ASCC1: variants seen among roughly 807,000 people sequenced by gnomAD.
ASCC1 encodes the protein activating signal cointegrator 1 complex subunit 1.
A neutral mutation model predicts 46.6 loss-of-function variants in ASCC1; 35 were observed. The observed-to-expected ratio is 0.75, with a 90% CI of 0.57 to 0.99. The LOEUF is 0.99. ASCC1 is among the 50% of genes least tolerant of loss of function. The pLI, the probability that ASCC1 is intolerant of heterozygous loss-of-function variation, is 0.00. For missense variants in ASCC1, 376 were observed against 428.7 expected (o/e 0.88, Z 1.09); for synonymous variants, 143 against 146.6 (o/e 0.98, Z 0.18).
At chr10:72,143,582 TAC>T (rs1847284634) in intron 7 of ASCC1, among the ~76,000 whole-genome samples, 1 of 149,208 alleles carries the variant, frequency 6.7e-6, no homozygotes, top group Admixed American at 6.8e-5. Context: ...ATATGCAAGA[TAC>T]CAACTCATTA....
chr10:72,146,987 T>C (rs1341087379), intron 7 of ASCC1, among the ~76,000 whole-genome samples: 1 of 151,688 alleles, frequency 6.6e-6, no homozygotes, highest in Non-Finnish European at 1.5e-5. Flanking sequence ...CTAGCTTCTG[T>C]ATCAATTTGC....
chr10:72,182,120 G>T (rs915735967), intron 5 of ASCC1, among the ~76,000 whole-genome samples: 4 of 152,198 alleles, frequency 2.6e-5, no homozygotes, highest in Non-Finnish European at 5.9e-5. Flanking sequence ...AGACTAGGAA[G>T]TTCTAGGCCC....
chr10:72,159,952 T>C (rs1420031954), intron 6 of ASCC1, among the ~76,000 whole-genome samples: 1 of 150,152 alleles, frequency 6.7e-6, no homozygotes, highest in Non-Finnish European at 1.5e-5. Context: ...TCGCCCAGGC[T>C]GGAGTGCAGT....
chr10:72,216,959 C>T (rs75786221), upstream of ASCC1: 2 of 455,956 alleles, frequency 4.4e-6, no homozygotes, highest in South Asian at 3.1e-5. Flanking sequence ...AGAAAAAAAT[C>T]CATAATGATC....
chr10:72,176,596 C>T (rs528242555), intron 5 of ASCC1, among the ~76,000 whole-genome samples: 10 of 152,084 alleles, frequency 6.6e-5, no homozygotes, highest in Non-Finnish European at 1.5e-4. Flanking sequence ...CCTCCCACCT[C>T]AGCCTCCCAA....
intron 5 of ASCC1, among the ~76,000 whole-genome samples, chr10:72,184,059 G>A (rs902293174): frequency 2.3e-4 from 35 of 151,926 alleles, no homozygotes; most frequent in Non-Finnish European, 3.8e-4. Flanking sequence ...CAGGAGAATC[G>A]CTTGAACCGG....
Position 72,213,168 on chromosome 10 carries a change from A to C in ASCC1, c.112+19T>G. 6.4e-7 allele frequency: 1 copy of C among 1,552,034 alleles called. No individual in the cohort carries two copies. The highest frequency in any genetic ancestry group is 8.9e-7 in the Non-Finnish European group (1 of 1,124,266). ...AGGACATTTTACTTCTTATCTGACC[A>C]AAGAGCAACTAGGATTACCTTGATA... On this transcript the variant is annotated intron_variant, in intron 2 of 9. Coordinates refer to ENST00000672957, the MANE Select transcript of ASCC1 (RefSeq NM_001198800.3).
At chr10:72,133,269 G>T in intron 7 of ASCC1, 88 bp from the exon 8 acceptor site, 1 of 1,362,530 alleles carries the variant, frequency 7.3e-7, no homozygotes, top group Non-Finnish European at 1.0e-6. Flanking sequence ...TGGAGCATGT[G>T]CTCTGTGCTA....
intron 5 of ASCC1, among the ~76,000 whole-genome samples, chr10:72,171,856 T>C (rs1381976357): frequency 6.6e-6 from 1 of 152,222 alleles, no homozygotes; most frequent in African/African-American, 2.4e-5. Context: ...GCCTGTCACA[T>C]GCCCCCTTCC....
intron 3 of ASCC1, among the ~76,000 whole-genome samples, chr10:72,205,076 C>T (rs542576489): frequency 7.2e-5 from 11 of 152,190 alleles, no homozygotes; most frequent in South Asian, 2.1e-4. Flanking sequence ...GAGAGGCTGA[C>T]GCAGAAGGAT....
intron 7 of ASCC1, among the ~76,000 whole-genome samples, chr10:72,151,404 T>C (rs926338878): frequency 1.4e-4 from 21 of 148,182 alleles, no homozygotes; most frequent in Non-Finnish European, 2.8e-4. Flanking sequence ...ATGAGAACAC[T>C]TGGACACAGG....
intron 4 of ASCC1, among the ~76,000 whole-genome samples, chr10:72,203,052 C>T (rs567512509): frequency 8.9e-4 from 136 of 152,104 alleles, no homozygotes; most frequent in Non-Finnish European, 1.0e-3. Context: ...TTTGGGAGGC[C>T]GAGAGGGGAG....
chr10:72,189,930 G>T, intron 5 of ASCC1: 2 of 717,346 alleles, frequency 2.8e-6, no homozygotes, highest in Non-Finnish European at 5.1e-6. Context: ...GCAGCCATCA[G>T]GTAAGCCAAG....
At chr10:72,211,889 AAAC>A (rs1409627233) in intron 2 of ASCC1, among the ~76,000 whole-genome samples, 3 of 152,202 alleles carry the variant, frequency 2.0e-5, no homozygotes, top group African/African-American at 4.8e-5. Context: ...AATAAAAATT[AAAC>A]AACAATACAG....
intron 5 of ASCC1, among the ~76,000 whole-genome samples, chr10:72,181,682 A>G (rs1852645497): frequency 6.6e-6 from 1 of 151,798 alleles, no homozygotes; most frequent in Non-Finnish European, 1.5e-5. Flanking sequence ...CTTGTGCACC[A>G]ATATCAAGTG....
In ASCC1 at chr10:72,129,522, C is replaced by T. The variant is rs567959688; in HGVS notation, c.872-1355G>A. Reference sequence around the variant, plus strand: ...TTGTCACTATAAAAAAAAGTTTAAGCCAGACATGGTGGCTCATGCCTGTAA... The same window carrying T: ...TTGTCACTATAAAAAAAAGTTTAAGTCAGACATGGTGGCTCATGCCTGTAA... On this transcript the variant is annotated intron_variant, in intron 8 of 9. Coordinates refer to ENST00000672957, the MANE Select transcript of ASCC1 (RefSeq NM_001198800.3). Among the ~76,000 whole-genome samples, 4 of 152,190 alleles carry T rather than the reference C, an allele frequency of 2.6e-5. 1 individual carries two copies. Among genetic ancestry groups the T allele is most frequent in the African/African-American group, 9.6e-5 (4 of 41,510 alleles).
intron 5 of ASCC1, among the ~76,000 whole-genome samples, chr10:72,162,942 C>CAAAAAAAAAAAAA (rs34656757): frequency 2.8e-5 from 4 of 143,588 alleles, no homozygotes; most frequent in South Asian, 2.1e-4. Context: ...GACTCTGTCT[C>CAAAAAAAAAAAAA]AAAAAAAAAG....
intron 3 of ASCC1, among the ~76,000 whole-genome samples, chr10:72,210,159 T>TTTTC (rs1857852340): frequency 9.5e-6 from 1 of 105,440 alleles, no homozygotes; most frequent in African/African-American, 8.4e-5. Flanking sequence ...ACCTCTTTTC[T>TTTTC]TTTTTTTTTT....
intron 9 of ASCC1, among the ~76,000 whole-genome samples, chr10:72,115,543 A>G (rs1843405652): frequency 6.6e-6 from 1 of 152,258 alleles, no homozygotes; most frequent in African/African-American, 2.4e-5. Flanking sequence ...AAGTAGCTCC[A>G]GAGTCAGGAA....
Sources: allele counts gnomAD v4.1 joint callset (sites outside exome capture counted in the v4.1 genomes callset), GRCh38; gene constraint gnomAD v4.1.1; transcripts MANE v1.5; gene names NCBI Gene and HGNC (gene_info 2026-07-23, HGNC 2026-07-21).